RNF6: variants seen among roughly 807,000 people sequenced by gnomAD.
The protein encoded by RNF6 is ring finger protein 6.
In RNF6, 21 loss-of-function variants were observed where a neutral mutation model predicts 50.1. That is an observed-to-expected ratio of 0.42 (90% CI 0.30 to 0.60). RNF6 has a LOEUF of 0.60. RNF6 is among the 20% of genes least tolerant of loss of function. RNF6 has a pLI of 0.20. For missense variants in RNF6, 698 were observed against 838.2 expected (o/e 0.83, Z 2.07); for synonymous variants, 255 against 291.8 (o/e 0.87, Z 1.29).
chr13:26,213,208 A>C lies in RNF6; in HGVS notation c.*616T>G, dbSNP rs775178274. The C allele has an allele frequency of 1.0e-4, 16 of 152,644 alleles. No individual in the cohort carries two copies. The highest frequency in any genetic ancestry group is 2.2e-4 in the Non-Finnish European group (15 of 68,022). The allele number at this position is 152,644 out of a possible 1,614,324, so 9.5% of individuals were successfully genotyped here. The stretch of plus-strand genomic sequence containing the variant: ...TCTCTGAGATGAACTTGCCAATATT[A>C]AACATTGTGCCATATGCAGTATTAG... On this transcript the variant is annotated 3_prime_UTR_variant, in exon 5 of 5. Coordinates refer to ENST00000381588, the MANE Select transcript of RNF6 (RefSeq NM_005977.4).
chr13:26,170,579 A>G (rs1159970117), intron 5 of RNF6, among the ~76,000 whole-genome samples: 1 of 152,216 alleles, frequency 6.6e-6, no homozygotes, highest in Non-Finnish European at 1.5e-5. Flanking sequence ...TCTTAGTGTG[A>G]TCTTGAAAAT....
chr13:26,146,085 G>A (rs167290), intron 5 of RNF6, among the ~76,000 whole-genome samples: 1,724 of 152,288 alleles, frequency 0.011, 26 homozygotes, highest in African/African-American at 0.034. Context: ...TTCAGAGATA[G>A]TGTCCAAAAG....
At chr13:26,151,621 C>CTTTTTTTTTTTTTTTTTTT (rs10682446) in intron 5 of RNF6, among the ~76,000 whole-genome samples, 1 of 139,566 alleles carries the variant, frequency 7.2e-6, no homozygotes, top group Non-Finnish European at 1.5e-5. Flanking sequence ...TTCTTTTTTT[C>CTTTTTTTTTTTTTTTTTTT]TTTTTTTTTT....
intron 5 of RNF6, among the ~76,000 whole-genome samples, chr13:26,161,187 T>G (rs1872196587): frequency 6.6e-6 from 1 of 152,384 alleles, no homozygotes; most frequent in East Asian, 1.9e-4. Context: ...CGGACCTGTT[T>G]GACCATTTGT....
At chr13:26,197,107 C>T (rs1414134714) in intron 5 of RNF6, among the ~76,000 whole-genome samples, 4 of 151,854 alleles carry the variant, frequency 2.6e-5, no homozygotes, top group Admixed American at 2.6e-4. Flanking sequence ...TACATCCAAA[C>T]CCCTGCACTA....
intron 5 of RNF6, among the ~76,000 whole-genome samples, chr13:26,143,271 T>C (rs927246132): frequency 6.6e-6 from 1 of 151,628 alleles, no homozygotes; most frequent in Non-Finnish European, 1.5e-5. Flanking sequence ...GGATCTCCTG[T>C]ATTCTAGACT....
At chr13:26,187,210 C>G (rs990515367) in intron 5 of RNF6, among the ~76,000 whole-genome samples, 3 of 146,620 alleles carry the variant, frequency 2.0e-5, no homozygotes, top group Non-Finnish European at 3.1e-5. Context: ...CGCCTCTGCT[C>G]CTGGCTGCGA....
At chr13:26,218,044 ACT>A (rs1870077733) in intron 4 of RNF6, among the ~76,000 whole-genome samples, 2 of 152,116 alleles carry the variant, frequency 1.3e-5, no homozygotes, top group Non-Finnish European at 2.9e-5. Flanking sequence ...TTTCCTTTTA[ACT>A]CTACATACTT....
At chr13:26,150,027 T>C (rs928950335) in intron 5 of RNF6, among the ~76,000 whole-genome samples, 5 of 105,544 alleles carry the variant, frequency 4.7e-5, no homozygotes, top group Non-Finnish European at 1.0e-4. Context: ...TATATATATA[T>C]ACACAGTGTA....
chr13:26,209,261 T>C (rs1190712470), downstream of RNF6, among the ~76,000 whole-genome samples: 2 of 152,198 alleles, frequency 1.3e-5, no homozygotes, highest in African/African-American at 4.8e-5. Context: ...CAAGCACCAG[T>C]AGGAAATCCT....
At chr13:26,165,460 C>T (rs998709267) in intron 5 of RNF6, among the ~76,000 whole-genome samples, 1 of 152,144 alleles carries the variant, frequency 6.6e-6, no homozygotes, top group African/African-American at 2.4e-5. Context: ...GAGAAGAGGG[C>T]CACCATCCTC....
intron 5 of RNF6, among the ~76,000 whole-genome samples, chr13:26,198,503 T>G (rs1868766240): frequency 6.6e-6 from 1 of 151,904 alleles, no homozygotes. Flanking sequence ...AGTTGTCATA[T>G]AAACTAACCA....
rs548784863 is a variant in RNF6, at chr13:26,174,594, C to T, written n.768+40880G>A. Among the ~76,000 whole-genome samples, 14 of 151,808 alleles carry T rather than the reference C, an allele frequency of 9.2e-5. No homozygotes were observed. The South Asian group carries it at 2.5e-3, about 27-fold the overall frequency. The stretch of plus-strand genomic sequence containing the variant: ...AGGAGAATCACTTGAATCCGGGAGG[C>T]GGAGACTCAAAAAAAAGAAAACAAA... On this transcript the variant is annotated intron_variant and non_coding_transcript_variant, in intron 5 of 5. Coordinates refer to the RNF6 transcript ENST00000468480.
rs1230837120 is a variant in RNF6, at chr13:26,196,639, A to ATAAG, written n.768+18834_768+18835insCTTA. ...CAGAGTGAGACTCTTTCTCCAAAAA[A>ATAAG]TAAATAAATAAATAAATAAATAAAA... On this transcript the variant is annotated intron_variant and non_coding_transcript_variant, in intron 5 of 5. Transcript: ENST00000468480. Among the ~76,000 whole-genome samples the ATAAG allele has an allele frequency of 1.3e-5, 2 of 151,618 alleles. 1 individual carries two copies. The highest frequency in any genetic ancestry group is 4.9e-5 in the African/African-American group (2 of 41,024).
intron 5 of RNF6, among the ~76,000 whole-genome samples, chr13:26,195,767 T>C (rs1488655034): frequency 1.3e-5 from 2 of 152,140 alleles, no homozygotes; most frequent in Non-Finnish European, 2.9e-5. Flanking sequence ...CATGGGGTGA[T>C]AAGCCTCAAC....
At chr13:26,193,985 A>G (rs113604471) in intron 5 of RNF6, among the ~76,000 whole-genome samples, 3 of 152,364 alleles carry the variant, frequency 2.0e-5, no homozygotes, top group African/African-American at 7.2e-5. Context: ...AACGGAACAG[A>G]AAGTAATGGA....
chr13:26,145,373 C>T (rs1026240150), intron 5 of RNF6, among the ~76,000 whole-genome samples: 5 of 151,702 alleles, frequency 3.3e-5, no homozygotes, highest in Admixed American at 6.6e-5. Context: ...GCTTTGTGTC[C>T]CCACCCAAAT....
intron 5 of RNF6, among the ~76,000 whole-genome samples, chr13:26,145,256 G>A (rs1871163846): frequency 6.6e-6 from 1 of 152,196 alleles, no homozygotes; most frequent in African/African-American, 2.4e-5. Flanking sequence ...GCTATGATAA[G>A]CCGCTGTTAT....
At chr13:26,209,683 G>GAGCACATTTGGAATTGCAC (rs1188378160), downstream of RNF6, among the ~76,000 whole-genome samples, 3 of 152,338 alleles carry the variant, frequency 2.0e-5, no homozygotes, top group Non-Finnish European at 2.9e-5. Flanking sequence ...GGGAGAAGGT[G>GAGCACATTTGGAATTGCAC]AGCACATTTG....
Sources: gnomAD v4.1 joint callset for allele counts (sites outside exome capture counted in the v4.1 genomes callset) on GRCh38, gnomAD v4.1.1 for gene constraint, MANE v1.5 for transcripts, NCBI Gene and HGNC (gene_info 2026-07-23, HGNC 2026-07-21) for gene names.